Variants in CTNNA2 observed in about 807,000 individuals in gnomAD.
The protein encoded by CTNNA2 is catenin alpha 2, also known as catenin alpha-2.
In CTNNA2, 42 loss-of-function variants were observed where a neutral mutation model predicts 101.0. The ratio of observed to expected loss-of-function variants is 0.42; its 90% confidence interval spans 0.32 to 0.54. The LOEUF (loss-of-function observed/expected upper bound fraction) is 0.54, where lower values mean the gene tolerates loss of function less well. Among genes scored for constraint, CTNNA2 ranks in the 20% least tolerant of loss-of-function variants. The probability of loss-of-function intolerance (pLI) is 0.14; values close to 1 mark genes in which losing one functional copy is unlikely to be tolerated. For missense variants in CTNNA2, 871 were observed against 1,223.1 expected, an observed-to-expected ratio of 0.71 and a Z score of 4.29; for synonymous variants, 450 against 456.4, an observed-to-expected ratio of 0.99 and a Z score of 0.18.
intron 7 of CTNNA2, among the ~76,000 whole-genome samples, chr2:80,298,015 A>G (rs1045960079): frequency 6.6e-6 from 1 of 151,000 alleles, no homozygotes; most frequent in Non-Finnish European, 1.5e-5. Context: ...GTGTGGTACT[A>G]TGTGGTTTTA....
intron 2 of CTNNA2, among the ~76,000 whole-genome samples, chr2:79,290,579 C>A (rs1342755407): frequency 6.6e-6 from 1 of 152,142 alleles, no homozygotes; most frequent in African/African-American, 2.4e-5. Context: ...TCGAGAGGAA[C>A]ACACCAGCAG....
At chr2:79,823,999 A>G (rs1378034667) in intron 3 of CTNNA2, among the ~76,000 whole-genome samples, 1 of 152,162 alleles carries the variant, frequency 6.6e-6, no homozygotes, top group South Asian at 2.1e-4. Flanking sequence ...AGGGGGAAAA[A>G]AAATAAAAGG....
In CTNNA2 at chr2:80,118,419, C is replaced by G. The variant is rs1160472563; in HGVS notation, c.1056+208622C>G. Among the ~76,000 whole-genome samples the G allele has an allele frequency of 2.6e-5, 4 of 152,274 alleles. No individual in the cohort carries two copies. In the South Asian group the frequency reaches 8.3e-4, roughly 32 times the overall value. On this transcript the variant is annotated intron_variant, in intron 7 of 18. Transcript: ENST00000402739. ...CTCTGCCTTTCCAAATAGCAGAAAT[C>G]AGAAACTTTATGAATCAGCCTTGTA...
chr2:80,103,234 G>A (rs149233157), intron 7 of CTNNA2, among the ~76,000 whole-genome samples: 67 of 152,252 alleles, frequency 4.4e-4, no homozygotes, highest in African/African-American at 1.5e-3. Flanking sequence ...CCAGATTGGG[G>A]TGTCAGAAAA....
At chr2:79,565,316 G>C (rs1414396466) in intron 1 of CTNNA2, among the ~76,000 whole-genome samples, 2 of 151,926 alleles carry the variant, frequency 1.3e-5, no homozygotes, top group Non-Finnish European at 2.9e-5. Flanking sequence ...TCCCACCTCA[G>C]GTTGAATCTC....
intron 9 of CTNNA2, among the ~76,000 whole-genome samples, chr2:80,478,795 C>T (rs556242177): frequency 2.0e-5 from 3 of 151,974 alleles, no homozygotes; most frequent in South Asian, 2.1e-4. Flanking sequence ...AATAATTTGA[C>T]GTAATTAGGT....
intron 9 of CTNNA2, among the ~76,000 whole-genome samples, chr2:80,513,346 G>T (rs1487478648): frequency 6.6e-6 from 1 of 152,154 alleles, no homozygotes; most frequent in African/African-American, 2.4e-5. Flanking sequence ...TATTTTTCAA[G>T]AAATAACAGT....
intron 9 of CTNNA2, among the ~76,000 whole-genome samples, chr2:80,529,361 A>G (rs1690322071): frequency 6.6e-6 from 1 of 152,238 alleles, no homozygotes; most frequent in Non-Finnish European, 1.5e-5. Flanking sequence ...GTTTATAACT[A>G]AATACCAATG....
At chr2:79,859,634 T>G (rs1416310864) in intron 4 of CTNNA2, among the ~76,000 whole-genome samples, 1 of 151,902 alleles carries the variant, frequency 6.6e-6, no homozygotes, top group African/African-American at 2.4e-5. Flanking sequence ...TTATTTTTAT[T>G]TTTTCCTCTC....
At chr2:79,664,873 G>A (rs1294489022) in intron 2 of CTNNA2, among the ~76,000 whole-genome samples, 1 of 151,622 alleles carries the variant, frequency 6.6e-6, no homozygotes, top group African/African-American at 2.4e-5. Flanking sequence ...CAACACGCCC[G>A]GCTAATTTTT....
intron 7 of CTNNA2, among the ~76,000 whole-genome samples, chr2:80,146,009 T>A (rs559973102): frequency 6.6e-6 from 1 of 152,224 alleles, no homozygotes; most frequent in African/African-American, 2.4e-5. Context: ...GTAACTTCCA[T>A]GGCCATGCTG....
At chr2:80,579,459 C>T (rs971692063) in intron 13 of CTNNA2, 1 of 152,282 alleles carries the variant, frequency 6.6e-6, no homozygotes, top group South Asian at 2.1e-4. Flanking sequence ...AATTTACCAA[C>T]TTGCTATAAT....
At chr2:79,191,796 T>C (rs979015653) in intron 1 of CTNNA2, among the ~76,000 whole-genome samples, 1 of 152,168 alleles carries the variant, frequency 6.6e-6, no homozygotes, top group Non-Finnish European at 1.5e-5. Flanking sequence ...CAAGCATGTG[T>C]GGTAAGCAAA....
chr2:79,884,959 A>G (rs947598562), intron 6 of CTNNA2, among the ~76,000 whole-genome samples: 1 of 152,178 alleles, frequency 6.6e-6, no homozygotes, highest in East Asian at 1.9e-4. Context: ...AGCACGGGCC[A>G]TGCTTCTGTG....
At chr2:80,194,680 C>G (rs112806496) in intron 7 of CTNNA2, among the ~76,000 whole-genome samples, 8,001 of 150,174 alleles carry the variant, frequency 0.053, 329 homozygotes, top group Non-Finnish European at 0.084. Flanking sequence ...AGGAGACAGG[C>G]GATTTTTTAT....
intron 9 of CTNNA2, among the ~76,000 whole-genome samples, chr2:80,423,137 T>G (rs1464920910): frequency 6.6e-6 from 1 of 152,110 alleles, no homozygotes; most frequent in Admixed American, 6.6e-5. Context: ...AAAAATAAGC[T>G]TTCAGCTTTA....
chr2:80,595,788 C>CAGG (rs1432013058), intron 15 of CTNNA2, among the ~76,000 whole-genome samples: 5 of 152,152 alleles, frequency 3.3e-5, no homozygotes, highest in Non-Finnish European at 7.3e-5. Flanking sequence ...AGTTTGAAGT[C>CAGG]AGGTAGCATG....
At chr2:79,864,194 G>A (rs935141320) in intron 4 of CTNNA2, among the ~76,000 whole-genome samples, 1 of 152,176 alleles carries the variant, frequency 6.6e-6, no homozygotes, top group African/African-American at 2.4e-5. Context: ...TGTTACTGAA[G>A]GAAAATAGGG....
chr2:79,318,376 C>T (rs901101064), intron 3 of CTNNA2, among the ~76,000 whole-genome samples: 2 of 152,078 alleles, frequency 1.3e-5, no homozygotes, highest in African/African-American at 4.8e-5. Context: ...GAAAAAAATA[C>T]ATTTTATATT....
Sources: allele counts gnomAD v4.1 joint callset (sites outside exome capture counted in the v4.1 genomes callset), GRCh38; gene constraint gnomAD v4.1.1; transcripts MANE v1.5; gene names NCBI Gene and HGNC (gene_info 2026-07-23, HGNC 2026-07-21).